GADL1: variants seen among roughly 807,000 people sequenced by gnomAD.
The protein encoded by GADL1 is acidic amino acid decarboxylase GADL1.
In GADL1, 71 loss-of-function variants were observed where a neutral mutation model predicts 69.5. That is an observed-to-expected ratio of 1.02 (90% CI 0.84 to 1.25). The LOEUF is 1.25. GADL1 is among the 50% of genes most tolerant of loss of function. GADL1 has a pLI of 0.00. For synonymous variants in GADL1, 254 were observed against 214.4 expected (o/e 1.18, Z -1.62); for missense variants, 737 against 631.8 (o/e 1.17, Z -1.79).
At chr3:30,814,151 C>T (rs962992532) in intron 11 of GADL1, among the ~76,000 whole-genome samples, 3 of 152,122 alleles carry the variant, frequency 2.0e-5, no homozygotes, top group Non-Finnish European at 2.9e-5. Flanking sequence ...CTTCATTATA[C>T]AGATAAAAGC....
chr3:30,727,111 ATATG>A lies in GADL1; in HGVS notation c.*1127_*1130del, dbSNP rs1251915017. The stretch of plus-strand genomic sequence containing the variant: ...ATATATATATATACTATACACACAC[ATATG>A]TATGTGTGTGTATATATATACATAT... On this transcript the variant is annotated 3_prime_UTR_variant, in exon 15 of 15. Transcript: ENST00000282538. The A allele has an allele frequency of 6.6e-6, 1 of 151,040 alleles. No homozygotes were observed. The highest frequency in any genetic ancestry group is 1.5e-5 in the Non-Finnish European group (1 of 67,802). 9.4% of individuals were successfully genotyped at this position (151,040 alleles called of 1,614,324 possible).
At chr3:30,757,550 T>C (rs973666310) in intron 14 of GADL1, among the ~76,000 whole-genome samples, 6 of 152,182 alleles carry the variant, frequency 3.9e-5, no homozygotes, top group Admixed American at 3.9e-4. Flanking sequence ...TATTAGTAAA[T>C]ATTGAGGATG....
intron 14 of GADL1, among the ~76,000 whole-genome samples, chr3:30,750,143 A>G (rs565501031): frequency 1.1e-4 from 16 of 152,342 alleles, no homozygotes; most frequent in African/African-American, 3.6e-4. Flanking sequence ...TTATCCCCAT[A>G]TAATATTCCT....
chr3:30,875,740 T>C (rs1698568909), intron 1 of GADL1, among the ~76,000 whole-genome samples: 1 of 151,898 alleles, frequency 6.6e-6, no homozygotes, highest in Non-Finnish European at 1.5e-5. Context: ...CTCCACACTC[T>C]GGCAGAAGTG....
At chr3:30,867,370 C>G (rs1254892554) in intron 1 of GADL1, among the ~76,000 whole-genome samples, 1 of 148,644 alleles carries the variant, frequency 6.7e-6, no homozygotes, top group Non-Finnish European at 1.5e-5. Context: ...ATGTATTTAT[C>G]TTAAATATGC....
At chr3:30,801,147 A>G in intron 11 of GADL1, 59 bp from the exon 12 acceptor site, 1 of 1,318,728 alleles carries the variant, frequency 7.6e-7, no homozygotes, top group Admixed American at 1.8e-5. Flanking sequence ...TGATTTTGAA[A>G]GCAAACACAT....
intron 14 of GADL1, among the ~76,000 whole-genome samples, chr3:30,769,124 AAAATT>A (rs1217776249): frequency 6.6e-6 from 1 of 152,178 alleles, no homozygotes; most frequent in Non-Finnish European, 1.5e-5. Context: ...TTCTCTAAAT[AAAATT>A]AAATTCAACT....
rs149352243 is a variant in GADL1, at chr3:30,888,925, G to A, written c.37+5653C>T. On this transcript the variant is annotated intron_variant, in intron 1 of 14. Transcript: ENST00000282538. ...TGTCATATGTTCCCAGAAACAGTGC[G>A]GAACCAACAGTAAAATTTTTGCAAT... Among the ~76,000 whole-genome samples, 265 of 151,476 alleles carry A rather than the reference G, an allele frequency of 1.7e-3. 2 individuals carry two copies. Among genetic ancestry groups the A allele is most frequent in the African/African-American group, 6.0e-3 (248 of 41,290 alleles).
chr3:30,740,063 T>C (rs1279958168), intron 14 of GADL1, among the ~76,000 whole-genome samples: 1 of 152,150 alleles, frequency 6.6e-6, no homozygotes, highest in Non-Finnish European at 1.5e-5. Context: ...GATGTTTCTA[T>C]TGTGTCCAGG....
Position 30,786,381 on chromosome 3 carries a change from T to G in GADL1, c.1276A>C (p.Arg426=). ...SRYLVDEIKK[R]EGFKLLMEPE... is the part of the protein sequence containing the mutation. ...TCCATCAGTAACTTGAATCCTTCTC[T>G]TTTCTTGATTTCATCTACTAGGTAC... The change falls in exon 13 of 15, where the codon AGA becomes CGA. Residue 426 remains arginine, a synonymous_variant. Coordinates refer to ENST00000282538, the MANE Select transcript of GADL1 (RefSeq NM_207359.3). 6.5e-7 allele frequency: 1 copy of G among 1,546,744 alleles called. No individual in the cohort carries two copies. The highest frequency in any genetic ancestry group is 1.1e-5 in the South Asian group (1 of 89,360).
chr3:30,833,911 G>A lies in GADL1; in HGVS notation c.992C>T (p.Pro331Leu), dbSNP rs1274334432. The A allele has an allele frequency of 6.2e-7, 1 of 1,612,668 alleles. No individual in the cohort carries two copies. The highest frequency in any genetic ancestry group is 1.1e-5 in the South Asian group (1 of 91,054). Residue 331 changes from proline to leucine, a missense_variant, in exon 11 of 15, where the codon CCA (proline) becomes CTA (leucine). Physicochemically the swap from Pro to Leu is moderately conservative, Grantham distance 98. Coordinates refer to ENST00000282538, the MANE Select transcript of GADL1 (RefSeq NM_207359.3). ...IHRADSVAWN[P>L]HKMLMAGIQC... ...GATCCCAGCCATCAGCATCTTGTGTGGGTTCCAGGCCACAGAGTCAGCCCT... is the reference window on the plus strand; with the variant it reads ...GATCCCAGCCATCAGCATCTTGTGTAGGTTCCAGGCCACAGAGTCAGCCCT...
At chr3:30,745,217 T>A (rs1169694738) in intron 14 of GADL1, among the ~76,000 whole-genome samples, 1 of 152,254 alleles carries the variant, frequency 6.6e-6, no homozygotes, top group Non-Finnish European at 1.5e-5. Context: ...AGTGAAGGCC[T>A]ATTTAATTCA....
intron 14 of GADL1, among the ~76,000 whole-genome samples, chr3:30,773,144 T>C (rs1696456170): frequency 6.6e-6 from 1 of 152,168 alleles, no homozygotes; most frequent in Non-Finnish European, 1.5e-5. Context: ...TAAGAAAAGA[T>C]TAAAACATTT....
At chr3:30,782,427 TAAAAAC>T (rs963699321) in intron 13 of GADL1, among the ~76,000 whole-genome samples, 1 of 151,570 alleles carries the variant, frequency 6.6e-6, no homozygotes, top group African/African-American at 2.4e-5. Context: ...AAGGAGATAG[TAAAAAC>T]ATCAAGATTT....
At chr3:30,871,266 C>T (rs964377631) in intron 1 of GADL1, among the ~76,000 whole-genome samples, 2 of 151,286 alleles carry the variant, frequency 1.3e-5, no homozygotes, top group Non-Finnish European at 2.9e-5. Context: ...AAGAAGACTG[C>T]CTTAGAAAGA....
At chr3:30,812,761 C>T (rs1023689715) in intron 11 of GADL1, among the ~76,000 whole-genome samples, 1 of 152,162 alleles carries the variant, frequency 6.6e-6, no homozygotes, top group African/African-American at 2.4e-5. Flanking sequence ...GATCCTTCCT[C>T]TTCTCATATT....
intron 1 of GADL1, among the ~76,000 whole-genome samples, chr3:30,874,390 T>A (rs1235119184): frequency 6.6e-6 from 1 of 151,964 alleles, no homozygotes; most frequent in East Asian, 1.9e-4. Flanking sequence ...CAGATCATAG[T>A]GACACTGGCC....
chr3:30,817,079 C>A, intron 11 of GADL1, among the ~76,000 whole-genome samples: 1 of 152,138 alleles, frequency 6.6e-6, no homozygotes, highest in East Asian at 1.9e-4. Flanking sequence ...CCCTGCCTTA[C>A]AAAATCCATG....
chr3:30,834,764 A>G (rs1036198245), intron 9 of GADL1, among the ~76,000 whole-genome samples: 5 of 152,102 alleles, frequency 3.3e-5, no homozygotes, highest in Non-Finnish European at 5.9e-5. Flanking sequence ...AAATTAGATC[A>G]TTTTAGCTAA....
Sources: allele counts gnomAD v4.1 joint callset (sites outside exome capture counted in the v4.1 genomes callset), GRCh38; gene constraint gnomAD v4.1.1; transcripts MANE v1.5; gene names NCBI Gene and HGNC (gene_info 2026-07-23, HGNC 2026-07-21).